OR2M3: variants seen among roughly 807,000 people sequenced by gnomAD.
OR2M3 encodes olfactory receptor family 2 subfamily M member 3.
OR2M3 carries 1 observed loss-of-function variant against 4.3 expected under a neutral mutation model. That is an observed-to-expected ratio of 0.23 (90% CI 0.08 to 1.11). The LOEUF (loss-of-function observed/expected upper bound fraction) is 1.11, where lower values mean the gene tolerates loss of function less well. OR2M3 is among the 50% of genes most tolerant of loss of function. OR2M3 has a pLI of 0.54. For synonymous variants in OR2M3, 151 were observed against 139.4 expected (o/e 1.08, Z -0.59); for missense variants, 410 against 390.4 (o/e 1.05, Z -0.42).
intron 1 of OR2M3, among the ~76,000 whole-genome samples, chr1:248,201,536 C>T (rs1046510486): frequency 1.3e-5 from 2 of 151,888 alleles, no homozygotes; most frequent in Admixed American, 6.6e-5. Context: ...TGCTGGTGTG[C>T]TGCACCCATT....
chr1:248,201,552 G>A (rs1002207924), intron 1 of OR2M3, among the ~76,000 whole-genome samples: 8 of 151,716 alleles, frequency 5.3e-5, no homozygotes, highest in Admixed American at 2.6e-4. Flanking sequence ...CCATTAACTC[G>A]TCATTTAACA....
At chr1:248,198,811 T>C (rs1156578401) in intron 1 of OR2M3, among the ~76,000 whole-genome samples, 1 of 152,168 alleles carries the variant, frequency 6.6e-6, no homozygotes, top group East Asian at 1.9e-4. Context: ...TCATGAAATA[T>C]GACCATGAAT....
Position 248,204,927 on chromosome 1 carries a change from C to T in OR2M3, c.*921C>T, listed in dbSNP as rs956118939. 9.9e-5 allele frequency: 15 copies of T among 152,002 alleles called. No homozygotes were observed. The South Asian group carries it at 1.2e-3, about 13-fold the overall frequency. 9.4% of individuals were successfully genotyped at this position (152,002 alleles called of 1,614,324 possible). A position where few individuals can be genotyped will look rare whatever the true frequency, so the allele number is the denominator to read the frequency against. ...AGCAGTGTAAAAGTTCCCTTTTGAC[C>T]GCATCCACACCAGCATCTATTATTG... On this transcript the variant is annotated 3_prime_UTR_variant, in exon 2 of 2. Coordinates refer to ENST00000641626, the MANE Select transcript of OR2M3 (RefSeq NM_001004689.2).
In OR2M3 at chr1:248,209,426, T is replaced by A. The variant is rs527726263; in HGVS notation, c.*5420T>A. ...TTACAGAATTTTTTTTTCTGGTTCCTTCTTATTTGGGTAGACTATGTCAGA... is the reference window on the plus strand; with the variant it reads ...TTACAGAATTTTTTTTTCTGGTTCCATCTTATTTGGGTAGACTATGTCAGA... On this transcript the variant is annotated 3_prime_UTR_variant, in exon 2 of 2. Coordinates refer to ENST00000641626, the MANE Select transcript of OR2M3 (RefSeq NM_001004689.2). 2 of 152,256 alleles carry A rather than the reference T, an allele frequency of 1.3e-5. No homozygotes were observed. The highest frequency in any genetic ancestry group is 3.9e-4 in the East Asian group (2 of 5,188). 9.4% of individuals were successfully genotyped at this position (152,256 alleles called of 1,614,324 possible).
chr1:248,202,842 A>G (rs1666172748), intron 1 of OR2M3, among the ~76,000 whole-genome samples: 1 of 152,116 alleles, frequency 6.6e-6, no homozygotes, highest in Non-Finnish European at 1.5e-5. Flanking sequence ...GGATGCTCAG[A>G]AGAAAACCTT....
At chr1:248,201,146 C>A (rs995168259) in intron 1 of OR2M3, among the ~76,000 whole-genome samples, 2 of 152,068 alleles carry the variant, frequency 1.3e-5, no homozygotes, top group African/African-American at 4.8e-5. Flanking sequence ...ATCTAAATGC[C>A]ACAACATACG....
rs1157567847 is a variant in OR2M3 at position 248,212,818 on chromosome 1, T to G, written c.*8812T>G. ...TTCTACAGAGTGTTGTTTTACAACA[T>G]CCTATGTGAACTCATTTCTCTTTTG... On this transcript the variant is annotated 3_prime_UTR_variant, in exon 2 of 2. Transcript: ENST00000641626. 1.3e-5 allele frequency: 2 copies of G among 152,036 alleles called. No homozygotes were observed. Among genetic ancestry groups the G allele is most frequent in the African/African-American group, 4.8e-5 (2 of 41,408 alleles). The allele number at this position is 152,036 out of a possible 1,614,324, so 9.4% of individuals were successfully genotyped here. A position where few individuals can be genotyped will look rare whatever the true frequency, so the allele number is the denominator to read the frequency against.
Position 248,203,501 on chromosome 1 carries a change from C to T in OR2M3, c.434C>T (p.Thr145Ile), listed in dbSNP as rs777609660. ...AGCCCTAAAATTTGTGGACTTATGACTGCCTTTTCCTGGATCCTGGGCTCT... is the reference window on the plus strand; with the variant it reads ...AGCCCTAAAATTTGTGGACTTATGATTGCCTTTTCCTGGATCCTGGGCTCT... ...LMSPKICGLM[T>I]AFSWILGSTD... The change falls in exon 2 of 2, where the codon ACT becomes ATT. Residue 145 changes from threonine (T) to isoleucine (I), a missense_variant. Transcript: ENST00000641626. 1 of 1,613,826 alleles carries T rather than the reference C, an allele frequency of 6.2e-7. No homozygotes were observed. Among genetic ancestry groups the T allele is most frequent in the Non-Finnish European group, 8.5e-7 (1 of 1,179,840 alleles).
At chr1:248,197,671 C>G (rs1666111905) in intron 1 of OR2M3, among the ~76,000 whole-genome samples, 1 of 152,042 alleles carries the variant, frequency 6.6e-6, no homozygotes, top group Non-Finnish European at 1.5e-5. Flanking sequence ...GCCACGTTCT[C>G]TTTTCTTTTA....
Position 248,207,923 on chromosome 1 carries a change from T to C in OR2M3, c.*3917T>C, listed in dbSNP as rs918351429. 5.3e-5 allele frequency: 8 copies of C among 152,108 alleles called. No homozygotes were observed. Among genetic ancestry groups the C allele is most frequent in the African/African-American group, 1.9e-4 (8 of 41,446 alleles). The allele number at this position is 152,108 out of a possible 1,614,324, so 9.4% of individuals were successfully genotyped here. A position where few individuals can be genotyped will look rare whatever the true frequency, so the allele number is the denominator to read the frequency against. ...AGTGGAGTATTGAAGTCCCCCACTA[T>C]TATTGCATTGTCATCTATCTCCTTT... On this transcript the variant is annotated 3_prime_UTR_variant, in exon 2 of 2. Transcript: ENST00000641626.
In OR2M3 at chr1:248,203,162, T is replaced by C. The variant is rs148702755; in HGVS notation, c.95T>C (p.Leu32Pro). The part of the protein sequence containing the change: ...PTHTFLFFLV[L>P]AIFSVAFMGN... ...CACACCTTCCTCTTCTTTCTGGTCC[T>C]GGCCATCTTTTCAGTGGCCTTCATG... Residue 32 changes from leucine to proline, a missense_variant, in exon 2 of 2, where the codon CTG becomes CCG. Leu to Pro is a moderately conservative substitution (Grantham distance 98, BLOSUM62 -3). Coordinates refer to ENST00000641626, the MANE Select transcript of OR2M3 (RefSeq NM_001004689.2). The C allele has an allele frequency of 1.1e-3, 1,755 of 1,614,092 alleles. 2 individuals are homozygous for C. Among genetic ancestry groups the C allele is most frequent in the Admixed American group, 2.8e-3 (165 of 59,990 alleles).
chr1:248,198,041 T>C (rs958783856), intron 1 of OR2M3, among the ~76,000 whole-genome samples: 1 of 152,202 alleles, frequency 6.6e-6, no homozygotes, highest in African/African-American at 2.4e-5. Context: ...ATGAATGCTT[T>C]ACATTTGTCA....
In OR2M3 at chr1:248,211,542, A is replaced by G. The variant is rs61832689; in HGVS notation, c.*7536A>G. ...TAATAGTAATTTTTTTTTTTTTTTA[A>G]TTACAGAGTCTCGCTCTGGGGCCCA... On this transcript the variant is annotated 3_prime_UTR_variant, in exon 2 of 2. Transcript: ENST00000641626. 6.7e-6 allele frequency: 1 copy of G among 148,936 alleles called. No homozygotes were observed. Among genetic ancestry groups the G allele is most frequent in the Admixed American group, 6.7e-5 (1 of 14,912 alleles). 9.2% of individuals were successfully genotyped at this position (148,936 alleles called of 1,614,324 possible).
At chr1:248,200,887 C>T (rs992135263) in intron 1 of OR2M3, among the ~76,000 whole-genome samples, 1 of 152,040 alleles carries the variant, frequency 6.6e-6, no homozygotes, top group African/African-American at 2.4e-5. Context: ...TTCCAGATTC[C>T]GTCTCCTCTG....
intron 1 of OR2M3, among the ~76,000 whole-genome samples, chr1:248,199,404 C>T (rs1190301365): frequency 6.6e-6 from 1 of 151,912 alleles, no homozygotes; most frequent in Non-Finnish European, 1.5e-5. Context: ...GTGAATAGTC[C>T]TGAGTAACTT....
Position 248,206,047 on chromosome 1 carries a change from G to C in OR2M3, c.*2041G>C, listed in dbSNP as rs1666220939. On this transcript the variant is annotated 3_prime_UTR_variant, in exon 2 of 2. Transcript: ENST00000641626. ...CTCCTTAATATTTTGTGTTGTTGTTGTTATATTATTTGCTTCTGTCATGAA... is the reference window on the plus strand; with the variant it reads ...CTCCTTAATATTTTGTGTTGTTGTTCTTATATTATTTGCTTCTGTCATGAA... 6.6e-6 allele frequency: 1 copy of C among 151,032 alleles called. No homozygotes were observed. The highest frequency in any genetic ancestry group is 1.5e-5 in the Non-Finnish European group (1 of 67,422). 9.4% of individuals were successfully genotyped at this position (151,032 alleles called of 1,614,324 possible).
Position 248,208,788 on chromosome 1 carries a change from A to T in OR2M3, c.*4782A>T, listed in dbSNP as rs950250952. 6.6e-6 allele frequency: 1 copy of T among 152,082 alleles called. No individual in the cohort carries two copies. The highest frequency in any genetic ancestry group is 2.4e-5 in the African/African-American group (1 of 41,396). The allele number at this position is 152,082 out of a possible 1,614,324, so 9.4% of individuals were successfully genotyped here. On this transcript the variant is annotated 3_prime_UTR_variant, in exon 2 of 2. Coordinates refer to ENST00000641626, the MANE Select transcript of OR2M3 (RefSeq NM_001004689.2). ...TTTTTCCTTTGCCTTGACTTTAGAT[A>T]ACTTGTTATGTACCTAGGGAATGAT...
rs555752203 is a variant in OR2M3 at position 248,197,305 on chromosome 1, A to G, written c.-19+4A>G. On this transcript the variant is annotated splice_donor_region_variant and intron_variant, in intron 1 of 1. Transcript: ENST00000641626. Reference sequence around the variant, plus strand: ...ACTGAAAATATACACTATTCAGGTAAGTACTAAGAGGTAAGTTAACCAAGC... The same window carrying G: ...ACTGAAAATATACACTATTCAGGTAGGTACTAAGAGGTAAGTTAACCAAGC... The G allele has an allele frequency of 2.0e-5, 3 of 152,136 alleles. No homozygotes were observed. Among genetic ancestry groups the G allele is most frequent in the Non-Finnish European group, 2.9e-5 (2 of 68,010 alleles). 9.4% of individuals were successfully genotyped at this position (152,136 alleles called of 1,614,324 possible).
rs373873423 is a variant in OR2M3 at position 248,203,079 on chromosome 1, G to C, written c.12G>C (p.Glu4Asp). 1.2e-6 allele frequency: 2 copies of C among 1,612,598 alleles called. No homozygotes were observed. Among genetic ancestry groups the C allele is most frequent in the African/African-American group, 2.7e-5 (2 of 74,886 alleles). Residue 4 changes from glutamate (E) to aspartate (D), a missense_variant, in exon 2 of 2, where the codon GAG (glutamate) becomes GAC (aspartate). Glu to Asp is a conservative substitution (Grantham distance 45, BLOSUM62 2). Coordinates refer to ENST00000641626, the MANE Select transcript of OR2M3 (RefSeq NM_001004689.2). MAR[E>D]NSTFNSDFIL... ...AAAGCATACACATCATGGCAAGGGA[G>C]AATTCGACCTTCAACTCCGACTTCA...
Sources: gnomAD v4.1 joint callset for allele counts (sites outside exome capture counted in the v4.1 genomes callset) on GRCh38, gnomAD v4.1.1 for gene constraint, MANE v1.5 for transcripts, NCBI Gene and HGNC (gene_info 2026-07-23, HGNC 2026-07-21) for gene names.